Variants in DCC observed in about 807,000 individuals in gnomAD.
DCC encodes DCC netrin 1 receptor, also known as netrin receptor DCC.
In DCC, 58 loss-of-function variants were observed where a neutral mutation model predicts 172.5. The observed-to-expected ratio is 0.34, with a 90% CI of 0.27 to 0.42. The LOEUF (loss-of-function observed/expected upper bound fraction) is 0.42. Among genes scored for constraint, DCC ranks in the 10% least tolerant of loss-of-function variants. DCC has a pLI of 1.00. For synonymous variants in DCC, 709 were observed against 644.5 expected (o/e 1.10, Z -1.52); for missense variants, 1,740 against 1,791.0 (o/e 0.97, Z 0.51).
intron 12 of DCC, among the ~76,000 whole-genome samples, chr18:53,257,471 A>T (rs529111527): frequency 2.2e-4 from 34 of 152,192 alleles, no homozygotes; most frequent in Non-Finnish European, 4.9e-4. Flanking sequence ...TGAGATAATC[A>T]TATGGTTTTT....
At chr18:53,469,387 A>G (rs2045667451) in intron 25 of DCC, among the ~76,000 whole-genome samples, 1 of 152,186 alleles carries the variant, frequency 6.6e-6, no homozygotes. Flanking sequence ...ATGACACTGT[A>G]TTTCTCTAGT....
chr18:52,363,358 A>T (rs534794894), intron 1 of DCC, among the ~76,000 whole-genome samples: 1 of 152,204 alleles, frequency 6.6e-6, no homozygotes, highest in Non-Finnish European at 1.5e-5. Context: ...GGAAGTGCCA[A>T]TCAGGTTCAT....
rs546288238 is a variant in DCC, at chr18:53,183,451, T to C, written c.1573+4335T>C. 2.0e-5 allele frequency among the ~76,000 whole-genome samples: 3 copies of C among 152,236 alleles called. No homozygotes were observed. In the East Asian group the frequency reaches 5.8e-4, roughly 29 times the overall value. On this transcript the variant is annotated intron_variant, in intron 9 of 28. Coordinates refer to ENST00000442544, the MANE Select transcript of DCC (RefSeq NM_005215.4). Reference sequence around the variant, plus strand: ...GTCTGCTTAAGACTTGTCTAATCTTTTCATACCACATGTGGAGATTTTTTG... The same window carrying C: ...GTCTGCTTAAGACTTGTCTAATCTTCTCATACCACATGTGGAGATTTTTTG...
chr18:52,986,573 C>T lies in DCC; in HGVS notation c.985+61203C>T, dbSNP rs549043518. Reference sequence around the variant, plus strand: ...TTCCATATATCTATCCAAAAAGCTGCTCCATTGAGGCCTAGTTATCTTCTC... The same window carrying T: ...TTCCATATATCTATCCAAAAAGCTGTTCCATTGAGGCCTAGTTATCTTCTC... On this transcript the variant is annotated intron_variant, in intron 5 of 28. Transcript: ENST00000442544. 3.3e-3 allele frequency among the ~76,000 whole-genome samples: 498 copies of T among 152,154 alleles called. 3 individuals carry two copies. Among genetic ancestry groups the T allele is most frequent in the African/African-American group, 0.011 (476 of 41,500 alleles).
chr18:53,365,885 C>G (rs2058000006), intron 15 of DCC, among the ~76,000 whole-genome samples: 1 of 152,140 alleles, frequency 6.6e-6, no homozygotes, highest in Non-Finnish European at 1.5e-5. Context: ...AAGCTCTAGT[C>G]ATTACAGATT....
At chr18:53,380,491 A>G (rs1907637965) in intron 15 of DCC, among the ~76,000 whole-genome samples, 1 of 152,204 alleles carries the variant, frequency 6.6e-6, no homozygotes, top group Non-Finnish European at 1.5e-5. Context: ...TATTGGATCA[A>G]ACTTTATCAG....
At chr18:52,570,049 T>C (rs2144756747) in intron 1 of DCC, among the ~76,000 whole-genome samples, 1 of 152,308 alleles carries the variant, frequency 6.6e-6, no homozygotes, top group African/African-American at 2.4e-5. Context: ...AGTTAATCTC[T>C]TATTTAAGGT....
intron 2 of DCC, among the ~76,000 whole-genome samples, chr18:52,851,008 C>T (rs1446869104): frequency 3.3e-5 from 5 of 151,610 alleles, no homozygotes; most frequent in East Asian, 1.9e-4. Context: ...TATTAATGAA[C>T]AATTAAACGG....
intron 1 of DCC, among the ~76,000 whole-genome samples, chr18:52,341,349 CT>C (rs1024674796): frequency 3.3e-5 from 5 of 152,080 alleles, no homozygotes; most frequent in African/African-American, 1.2e-4. Flanking sequence ...AATACATCTC[CT>C]TTTGGTTTGG....
intron 28 of DCC, 41 bp downstream of exon 28, chr18:53,526,800 A>G (rs2046461021): frequency 6.2e-7 from 1 of 1,610,678 alleles, no homozygotes; most frequent in Non-Finnish European, 8.5e-7. Context: ...CAAGGGACAG[A>G]TTGACTGGCG....
intron 15 of DCC, among the ~76,000 whole-genome samples, chr18:53,356,699 A>G (rs1417102656): frequency 2.0e-5 from 3 of 152,136 alleles, no homozygotes; most frequent in African/African-American, 7.2e-5. Context: ...ACATGCACTG[A>G]TAAGTACTCA....
intron 1 of DCC, among the ~76,000 whole-genome samples, chr18:52,542,474 C>A (rs140620237): frequency 6.8e-4 from 103 of 152,108 alleles, no homozygotes; most frequent in African/African-American, 2.4e-3. Context: ...TTAAAAAAAA[C>A]CATCAAACAT....
At chr18:53,527,833 G>C (rs1226910694) in intron 28 of DCC, among the ~76,000 whole-genome samples, 1 of 151,920 alleles carries the variant, frequency 6.6e-6, no homozygotes, top group African/African-American at 2.4e-5. Flanking sequence ...GAAGCCTAAG[G>C]AATTAACATA....
rs114458322 is a variant in DCC at position 53,066,693 on chromosome 18, T to C, written c.1261+527T>C. ...AGGACTGTACATATTTTCTTATATGTAATCTTGAATCAATGGAAGTTAATT... is the reference window on the plus strand; with the variant it reads ...AGGACTGTACATATTTTCTTATATGCAATCTTGAATCAATGGAAGTTAATT... On this transcript the variant is annotated intron_variant, in intron 7 of 28. Transcript: ENST00000442544. 7.5e-3 allele frequency among the ~76,000 whole-genome samples: 1,137 copies of C among 152,014 alleles called. 19 individuals carry two copies. The highest frequency in any genetic ancestry group is 0.026 in the African/African-American group (1,065 of 41,486).
intron 23 of DCC, among the ~76,000 whole-genome samples, chr18:53,455,879 T>A (rs1421545541): frequency 2.0e-5 from 3 of 152,250 alleles, no homozygotes; most frequent in Non-Finnish European, 4.4e-5. Flanking sequence ...AATGCCTCCC[T>A]GATCTTTACA....
At chr18:52,876,903 T>A (rs1272679919) in intron 2 of DCC, among the ~76,000 whole-genome samples, 1 of 152,194 alleles carries the variant, frequency 6.6e-6, no homozygotes, top group Non-Finnish European at 1.5e-5. Context: ...AGACCCTCCA[T>A]TTCCCTAGAA....
intron 5 of DCC, among the ~76,000 whole-genome samples, chr18:53,036,543 C>T (rs146603662): frequency 1.1e-3 from 168 of 152,138 alleles, no homozygotes; most frequent in East Asian, 8.9e-3. Context: ...TTCACTGTAA[C>T]ATTGTGATGT....
chr18:53,270,586 G>A (rs1030970725), intron 12 of DCC, among the ~76,000 whole-genome samples: 10 of 152,020 alleles, frequency 6.6e-5, no homozygotes, highest in African/African-American at 2.4e-4. Flanking sequence ...ACCCTAATAT[G>A]TTTAGAAGGC....
chr18:52,503,293 A>G (rs1242199909), intron 1 of DCC, among the ~76,000 whole-genome samples: 1 of 152,130 alleles, frequency 6.6e-6, no homozygotes, highest in Non-Finnish European at 1.5e-5. Context: ...TAGTCATCAC[A>G]CTGCATGTGT....
Sources: gnomAD v4.1 joint callset for allele counts (sites outside exome capture counted in the v4.1 genomes callset) on GRCh38, gnomAD v4.1.1 for gene constraint, MANE v1.5 for transcripts, NCBI Gene and HGNC (gene_info 2026-07-23, HGNC 2026-07-21) for gene names.